STARD13: variants seen among roughly 807,000 people sequenced by gnomAD.
STARD13 encodes the protein stAR-related lipid transfer protein 13.
STARD13 carries 62 observed loss-of-function variants against 106.4 expected under a neutral mutation model. The observed-to-expected ratio is 0.58, with a 90% CI of 0.48 to 0.72. STARD13 has a LOEUF of 0.72. Among genes scored for constraint, STARD13 ranks in the 30% least tolerant of loss-of-function variants. The probability of loss-of-function intolerance (pLI) is 0.00; values close to 1 mark genes in which losing one functional copy is unlikely to be tolerated. For missense variants in STARD13, 1,387 were observed against 1,424.0 expected, an observed-to-expected ratio of 0.97 and a Z score of 0.42; for synonymous variants, 565 against 553.0, an observed-to-expected ratio of 1.02 and a Z score of -0.31.
the STARD13 span, among the ~76,000 whole-genome samples, chr13:33,599,235 C>G: frequency 6.6e-6 from 1 of 152,136 alleles, no homozygotes; most frequent in Non-Finnish European, 1.5e-5. Context: ...AAACTTTTCA[C>G]GTGTTCCAGG....
At chr13:33,401,193 T>C in the STARD13 span, among the ~76,000 whole-genome samples, 1 of 152,232 alleles carries the variant, frequency 6.6e-6, no homozygotes, top group Admixed American at 6.5e-5. Flanking sequence ...GATTGCATTT[T>C]CAGGATCTCA....
chr13:33,324,057 A>C (rs1487381135), intron 1 of STARD13, among the ~76,000 whole-genome samples: 2 of 152,248 alleles, frequency 1.3e-5, no homozygotes, highest in African/African-American at 4.8e-5. Flanking sequence ...TTTTAAATTC[A>C]AAGTATGTTT....
the STARD13 span, among the ~76,000 whole-genome samples, chr13:33,449,769 A>G: frequency 1.3e-5 from 2 of 152,002 alleles, no homozygotes; most frequent in Non-Finnish European, 2.9e-5. Flanking sequence ...TGTCTTCTTC[A>G]ATTTTTTTGT....
the STARD13 span, among the ~76,000 whole-genome samples, chr13:33,564,870 A>G: frequency 0.015 from 2,238 of 144,420 alleles, 190 homozygotes; most frequent in African/African-American, 0.053. Flanking sequence ...GCACACGCCT[A>G]TGGTCCCAGC....
At chr13:33,209,159 C>A (rs530940069) in intron 1 of STARD13, among the ~76,000 whole-genome samples, 1 of 152,270 alleles carries the variant, frequency 6.6e-6, no homozygotes, top group Non-Finnish European at 1.5e-5. Flanking sequence ...GTGTTACCCC[C>A]ATATTGGCAC....
At chr13:33,522,369 C>T in the STARD13 span, among the ~76,000 whole-genome samples, 1 of 152,064 alleles carries the variant, frequency 6.6e-6, no homozygotes, top group African/African-American at 2.4e-5. Context: ...AATGGACCTC[C>T]ACTGACACAT....
the STARD13 span, among the ~76,000 whole-genome samples, chr13:33,506,802 T>A: frequency 6.6e-6 from 1 of 152,182 alleles, no homozygotes; most frequent in Non-Finnish European, 1.5e-5. Flanking sequence ...CATACAATTA[T>A]CTAAAAAGGC....
At chr13:33,501,002 AT>A in the STARD13 span, among the ~76,000 whole-genome samples, 1 of 147,100 alleles carries the variant, frequency 6.8e-6, no homozygotes, top group South Asian at 2.1e-4. Flanking sequence ...AAAAATATTT[AT>A]GGTCTTAAAA....
intron 3 of STARD13, among the ~76,000 whole-genome samples, chr13:33,159,876 A>T (rs185831575): frequency 6.6e-6 from 1 of 152,234 alleles, no homozygotes; most frequent in African/African-American, 2.4e-5. Context: ...TATTAACACA[A>T]AGACTAAATA....
rs117381906 is a variant in STARD13 at position 33,154,910 on chromosome 13, C to T, written c.323+10427G>A. Among the ~76,000 whole-genome samples the T allele has an allele frequency of 5.1e-3, 780 of 152,280 alleles. 2 individuals carry two copies. The highest frequency in any genetic ancestry group is 9.0e-3 in the Non-Finnish European group (611 of 68,022). On this transcript the variant is annotated intron_variant, in intron 3 of 13. Transcript: ENST00000336934. The stretch of plus-strand genomic sequence containing the variant: ...CTCAGGAGCCCACCCCTCACTCACA[C>T]TGAGGCTTCTTTCCTTCCCCTTCCC...
At chr13:33,339,097 T>C (rs2077930850) in intron 1 of STARD13, among the ~76,000 whole-genome samples, 1 of 152,148 alleles carries the variant, frequency 6.6e-6, no homozygotes, top group Non-Finnish European at 1.5e-5. Flanking sequence ...CTAAGTTCTT[T>C]GCAAATATTA....
At chr13:33,329,704 C>CTTTTT (rs1270014763) in intron 1 of STARD13, among the ~76,000 whole-genome samples, 1 of 126,316 alleles carries the variant, frequency 7.9e-6, no homozygotes, top group South Asian at 2.6e-4. Context: ...CACTTTCTTT[C>CTTTTT]TTTTTTTTTT....
rs539479840 is a variant in STARD13, at chr13:33,158,033, G to A, written c.323+7304C>T. The stretch of plus-strand genomic sequence containing the variant: ...TGTGGTTGTTACATTAATAAAAAGT[G>A]CACTTTCCTGACTTGCAGGGACAAA... On this transcript the variant is annotated intron_variant, in intron 3 of 13. Coordinates refer to ENST00000336934, the MANE Select transcript of STARD13 (RefSeq NM_178006.4). Among the ~76,000 whole-genome samples, 268 of 152,310 alleles carry A rather than the reference G, an allele frequency of 1.8e-3. 1 individual carries two copies. The highest frequency in any genetic ancestry group is 5.2e-3 in the South Asian group (25 of 4,826).
chr13:33,546,816 A>G, the STARD13 span, among the ~76,000 whole-genome samples: 6 of 152,172 alleles, frequency 3.9e-5, no homozygotes, highest in African/African-American at 1.4e-4. Flanking sequence ...TTTGTAATCA[A>G]TTTAAGCCTA....
intron 1 of STARD13, among the ~76,000 whole-genome samples, chr13:33,241,633 C>T (rs1889507517): frequency 1.4e-5 from 2 of 147,616 alleles, no homozygotes; most frequent in Admixed American, 1.4e-4. Flanking sequence ...CTCACTGCAA[C>T]CTCCCTGCCT....
chr13:33,527,760 A>G, the STARD13 span, among the ~76,000 whole-genome samples: 1 of 151,842 alleles, frequency 6.6e-6, no homozygotes, highest in East Asian at 1.9e-4. Flanking sequence ...TTTATATAAT[A>G]TTTAAAATTA....
intron 3 of STARD13, among the ~76,000 whole-genome samples, chr13:33,149,786 A>G (rs901163904): frequency 1.3e-5 from 2 of 152,246 alleles, no homozygotes; most frequent in African/African-American, 4.8e-5. Context: ...TGACTGCCTC[A>G]AGTAAAAGAA....
rs1220308263 is a variant in STARD13, at chr13:33,163,569, G to A, written c.323+1768C>T. On this transcript the variant is annotated intron_variant, in intron 3 of 13. Coordinates refer to ENST00000336934, the MANE Select transcript of STARD13 (RefSeq NM_178006.4). The stretch of plus-strand genomic sequence containing the variant: ...TGCACCACTGTGCTCCAGCCTGGGC[G>A]ACAGAGCAAGACTCTGTCTCAAAAA... 5.1e-5 allele frequency among the ~76,000 whole-genome samples: 6 copies of A among 117,082 alleles called. 1 individual carries two copies. Among genetic ancestry groups the A allele is most frequent in the African/African-American group, 3.1e-5 (1 of 32,542 alleles). The allele number at this position is 117,082 out of a possible 152,430, so 76.8% of individuals were successfully genotyped here. A position where few individuals can be genotyped will look rare whatever the true frequency, so the allele number is the denominator to read the frequency against.
chr13:33,121,843 C>A (rs965840276), intron 7 of STARD13, among the ~76,000 whole-genome samples: 8 of 132,632 alleles, frequency 6.0e-5, no homozygotes, highest in Non-Finnish European at 1.4e-4. Context: ...CCACGCCCAG[C>A]TAATTTTTTT....
Sources: gnomAD v4.1 joint callset for allele counts (sites outside exome capture counted in the v4.1 genomes callset) on GRCh38, gnomAD v4.1.1 for gene constraint, MANE v1.5 for transcripts, NCBI Gene and HGNC (gene_info 2026-07-23, HGNC 2026-07-21) for gene names.